MTMR12: variants seen among roughly 807,000 people sequenced by gnomAD.
MTMR12 encodes the protein myotubularin-related protein 12.
MTMR12 carries 33 observed loss-of-function variants against 96.7 expected under a neutral mutation model. The ratio of observed to expected loss-of-function variants is 0.34; its 90% CI spans 0.26 to 0.46. The LOEUF (loss-of-function observed/expected upper bound fraction) is 0.46. Ranked by LOEUF, MTMR12 falls within the 20% of genes least tolerant of loss-of-function variation. The pLI, the probability that MTMR12 is intolerant of heterozygous loss-of-function variation, is 1.00. For synonymous variants in MTMR12, 298 were observed against 327.2 expected, an observed-to-expected ratio of 0.91 and a Z score of 0.96; for missense variants, 721 against 896.1, an observed-to-expected ratio of 0.80 and a Z score of 2.49.
intron 1 of MTMR12, among the ~76,000 whole-genome samples, chr5:32,304,049 G>A (rs116770920): frequency 0.017 from 2,575 of 152,170 alleles, 82 homozygotes; most frequent in African/African-American, 0.058. Flanking sequence ...TAGGCCGGGC[G>A]CAGTAGCTCA....
intron 12 of MTMR12, 104 bp downstream of exon 12, chr5:32,241,953 C>A (rs954831298): frequency 7.6e-5 from 69 of 913,136 alleles, no homozygotes; most frequent in Non-Finnish European, 1.1e-4. Context: ...GATTTCTACA[C>A]TAACTCACTC....
intron 1 of MTMR12, among the ~76,000 whole-genome samples, chr5:32,310,656 G>A (rs1330162105): frequency 6.6e-6 from 1 of 152,174 alleles, no homozygotes; most frequent in East Asian, 1.9e-4. Flanking sequence ...AAGGGTAGCA[G>A]GGGAAAGGGA....
Position 32,228,939 on chromosome 5 carries a change from GACTCCAGAGGAATGGAC to G in MTMR12, c.*822_*838del, listed in dbSNP as rs1747880172. 6.6e-6 allele frequency: 1 copy of G among 152,012 alleles called. No individual in the cohort carries two copies. The highest frequency in any genetic ancestry group is 1.5e-5 in the Non-Finnish European group (1 of 68,030). The allele number at this position is 152,012 out of a possible 1,614,324, so 9.4% of individuals were successfully genotyped here. On this transcript the variant is annotated 3_prime_UTR_variant, in exon 16 of 16. Coordinates refer to ENST00000382142, the MANE Select transcript of MTMR12 (RefSeq NM_001040446.3). ...AAGCGATTTGTTCCAAACAAGGAGA[GACTCCAGAGGAATGGAC>G]GCTCCTCAGGAAGGATCTCAGGCAA...
chr5:32,282,806 T>C (rs1750356125), intron 1 of MTMR12, among the ~76,000 whole-genome samples: 1 of 152,258 alleles, frequency 6.6e-6, no homozygotes, highest in Non-Finnish European at 1.5e-5. Context: ...GAGTATTCAC[T>C]GGCAATGTCT....
In MTMR12 at chr5:32,233,649, C is replaced by T; in HGVS notation, c.1674+124G>A. On this transcript the variant is annotated intron_variant, in intron 15 of 15. Transcript: ENST00000382142. The surrounding 1 kb of genome is among the most constrained non-coding windows in gnomAD (Gnocchi z 5.0). ...CCTTGACAATTTGACCATCACAAGTCTCAACTCTGCAGACTGCTTCGAGGG... is the reference window on the plus strand; with the variant it reads ...CCTTGACAATTTGACCATCACAAGTTTCAACTCTGCAGACTGCTTCGAGGG... 1 of 1,352,310 alleles carries T rather than the reference C, an allele frequency of 7.4e-7. No homozygotes were observed. Among genetic ancestry groups the T allele is most frequent in the Non-Finnish European group, 1.0e-6 (1 of 972,876 alleles). The allele number at this position is 1,352,310 out of a possible 1,614,324, so 83.8% of individuals were successfully genotyped here.
In MTMR12 at chr5:32,261,349, C is replaced by T. The variant is rs1028756851; in HGVS notation, c.713+1764G>A. 2.6e-5 allele frequency among the ~76,000 whole-genome samples: 4 copies of T among 152,118 alleles called. No individual in the cohort carries two copies. The South Asian group carries it at 6.2e-4, about 24-fold the overall frequency. ...TCCTCTCCCTAGCTTGCTCCTCCCC[C>T]ATCCCTGGGCACCTTGCTGTTCCTC... On this transcript the variant is annotated intron_variant, in intron 7 of 15. Coordinates refer to ENST00000382142, the MANE Select transcript of MTMR12 (RefSeq NM_001040446.3).
At chr5:32,234,720 C>T (rs73067785) in intron 14 of MTMR12, 3,674 of 339,228 alleles carry the variant, frequency 0.011, 119 homozygotes, top group African/African-American at 0.07. Context: ...ACCTAAGAAG[C>T]TCTTAGACCA....
At chr5:32,268,066 C>T (rs751478256) in intron 6 of MTMR12, among the ~76,000 whole-genome samples, 2 of 152,160 alleles carry the variant, frequency 1.3e-5, no homozygotes, top group Middle Eastern at 3.4e-3. Flanking sequence ...CGCCTGACCT[C>T]GTGATCCACC....
intron 1 of MTMR12, among the ~76,000 whole-genome samples, chr5:32,293,677 C>T (rs944542284): frequency 2.6e-5 from 4 of 152,188 alleles, no homozygotes; most frequent in Non-Finnish European, 5.9e-5. Flanking sequence ...CTCTTACTTC[C>T]TCACAAACCC....
intron 10 of MTMR12, among the ~76,000 whole-genome samples, chr5:32,244,057 C>A (rs1172632042): frequency 6.6e-6 from 1 of 152,178 alleles, no homozygotes; most frequent in Non-Finnish European, 1.5e-5. Context: ...CATGACATGA[C>A]TCCTCCTACA....
intron 1 of MTMR12, among the ~76,000 whole-genome samples, chr5:32,298,907 C>G (rs1278418752): frequency 1.3e-5 from 2 of 148,752 alleles, no homozygotes; most frequent in Non-Finnish European, 3.0e-5. Context: ...GAGCCGAGAT[C>G]GCGCCACTGC....
Position 32,235,884 on chromosome 5 carries a change from G to C in MTMR12, c.1345-755C>G, listed in dbSNP as rs369261853. Among the ~76,000 whole-genome samples the C allele has an allele frequency of 4.6e-5, 7 of 152,302 alleles. No individual in the cohort carries two copies. In the East Asian group the frequency reaches 7.7e-4, roughly 17 times the overall value. On this transcript the variant is annotated intron_variant, in intron 13 of 15. Transcript: ENST00000382142. ...CAGTGATCCTGCCAGGGGGCTAAGAGAAGCTATGTTAGTCTCTCCCTTACA... is the reference window on the plus strand; with the variant it reads ...CAGTGATCCTGCCAGGGGGCTAAGACAAGCTATGTTAGTCTCTCCCTTACA...
chr5:32,229,827 T>A lies in MTMR12; in HGVS notation c.2195A>T (p.Asp732Val). The A allele has an allele frequency of 4.4e-6, 7 of 1,580,782 alleles. No homozygotes were observed. Among genetic ancestry groups the A allele is most frequent in the Non-Finnish European group, 6.0e-6 (7 of 1,164,136 alleles). Residue 732 changes from aspartate (D) to valine (V), a missense_variant, in exon 16 of 16, where the codon GAC (aspartate) becomes GTC (valine). By Grantham distance (152) the Asp-to-Val change is radical (BLOSUM62 -3). Coordinates refer to ENST00000382142, the MANE Select transcript of MTMR12 (RefSeq NM_001040446.3). ...TSGWKALGDE[D>V]DLAKREDEFV... Reference sequence around the variant, plus strand: ...CTCATCTTCTCGTTTGGCCAAATCGTCTTCATCTCCCAAAGCTTTCCAGCC... The same window carrying A: ...CTCATCTTCTCGTTTGGCCAAATCGACTTCATCTCCCAAAGCTTTCCAGCC...
chr5:32,255,653 T>C (rs775579940), intron 8 of MTMR12, 40 bp downstream of exon 8: 3 of 1,546,872 alleles, frequency 1.9e-6, no homozygotes, highest in South Asian at 1.2e-5. Context: ...GATAGACCAA[T>C]GCACAACCCA....
chr5:32,229,418 A>T lies in MTMR12; in HGVS notation c.*360T>A, dbSNP rs1354843116. 1 of 176,410 alleles carries T rather than the reference A, an allele frequency of 5.7e-6. No individual in the cohort carries two copies. The highest frequency in any genetic ancestry group is 2.4e-5 in the African/African-American group (1 of 42,506). The allele number at this position is 176,410 out of a possible 1,614,324, so 10.9% of individuals were successfully genotyped here. ...CAATGACTGGATAAATTATCTTGGC[A>T]CAAAGAGGATCTGAAGAAAGTATCA... On this transcript the variant is annotated 3_prime_UTR_variant, in exon 16 of 16. Coordinates refer to ENST00000382142, the MANE Select transcript of MTMR12 (RefSeq NM_001040446.3).
chr5:32,299,528 C>G (rs549309318), intron 1 of MTMR12, among the ~76,000 whole-genome samples: 28 of 152,292 alleles, frequency 1.8e-4, no homozygotes, highest in Non-Finnish European at 2.9e-5. Flanking sequence ...TCCCCTTCTA[C>G]CACCGCCTCC....
Position 32,245,129 on chromosome 5 carries a change from G to A in MTMR12, c.1022-1530C>T, listed in dbSNP as rs188367553. 1.2e-4 allele frequency among the ~76,000 whole-genome samples: 18 copies of A among 152,198 alleles called. No homozygotes were observed. The South Asian group carries it at 2.7e-3, about 23-fold the overall frequency. On this transcript the variant is annotated intron_variant, in intron 10 of 15. Coordinates refer to ENST00000382142, the MANE Select transcript of MTMR12 (RefSeq NM_001040446.3). ...CAGCTCACTGCAACCTCTGCCTCCC[G>A]GGTTCAAGCGATTCTTCTGTCTCAG... is the stretch of plus-strand genomic sequence containing the variant.
chr5:32,271,526 C>G (rs949844539), intron 4 of MTMR12, among the ~76,000 whole-genome samples: 17 of 152,272 alleles, frequency 1.1e-4, no homozygotes, highest in African/African-American at 4.1e-4. Context: ...TTTATCAGAG[C>G]AGCCTATAAA....
intron 1 of MTMR12, among the ~76,000 whole-genome samples, chr5:32,297,438 C>T (rs1386358655): frequency 6.6e-6 from 1 of 152,162 alleles, no homozygotes; most frequent in Non-Finnish European, 1.5e-5. Flanking sequence ...GGCAGGGGAA[C>T]AGGCAATGAC....
Sources: gnomAD v4.1 joint callset for allele counts (sites outside exome capture counted in the v4.1 genomes callset) on GRCh38, gnomAD v4.1.1 for gene constraint, Gnocchi (gnomAD v3.1) non-coding constraint, MANE v1.5 for transcripts, NCBI Gene and HGNC (gene_info 2026-07-23, HGNC 2026-07-21) for gene names.